Variants in SIPA1L1 observed in about 807,000 individuals in gnomAD.
SIPA1L1 encodes the protein signal-induced proliferation-associated 1-like protein 1.
SIPA1L1 carries 26 observed loss-of-function variants against 162.7 expected under a neutral mutation model. The ratio of observed to expected loss-of-function variants is 0.16; its 90% CI spans 0.12 to 0.22. The LOEUF is 0.22. Among genes scored for constraint, SIPA1L1 ranks in the 10% least tolerant of loss-of-function variants. The pLI is 1.00. For synonymous variants in SIPA1L1, 829 were observed against 837.4 expected, an observed-to-expected ratio of 0.99 and a Z score of 0.17; for missense variants, 1,874 against 2,241.0, an observed-to-expected ratio of 0.84 and a Z score of 3.31.
intron 17 of SIPA1L1, among the ~76,000 whole-genome samples, chr14:71,719,126 A>G (rs1178857054): frequency 6.6e-6 from 1 of 151,680 alleles, no homozygotes; most frequent in Admixed American, 6.6e-5. Context: ...TTTTTATGGA[A>G]ACAGGGTTCG....
intron 10 of SIPA1L1, among the ~76,000 whole-genome samples, chr14:71,663,071 A>T (rs762025165): frequency 6.6e-6 from 1 of 152,236 alleles, no homozygotes; most frequent in Non-Finnish European, 1.5e-5. Context: ...GTACCGTCCA[A>T]TGGGACTATA....
chr14:71,684,589 G>A (rs1197888866), intron 12 of SIPA1L1, among the ~76,000 whole-genome samples: 10 of 152,054 alleles, frequency 6.6e-5, no homozygotes, highest in Non-Finnish European at 5.9e-5. Flanking sequence ...GTGCGGTGGC[G>A]GGAATGTGAA....
intron 13 of SIPA1L1, among the ~76,000 whole-genome samples, chr14:71,693,002 C>T (rs1479720449): frequency 2.0e-5 from 3 of 152,150 alleles, no homozygotes; most frequent in Non-Finnish European, 4.4e-5. Flanking sequence ...AGGTCACAGC[C>T]CCACCTCTTA....
Position 71,456,922 on chromosome 14 carries a change from C to T in SIPA1L1, c.-464-55821C>T, listed in dbSNP as rs117774218. 7.8e-3 allele frequency among the ~76,000 whole-genome samples: 1,186 copies of T among 152,198 alleles called. 9 individuals are homozygous for T. The highest frequency in any genetic ancestry group is 0.012 in the Non-Finnish European group (826 of 68,008). On this transcript the variant is annotated intron_variant, in intron 2 of 23. Coordinates refer to ENST00000381232, the MANE Select transcript of SIPA1L1 (RefSeq NM_001386936.1). The stretch of plus-strand genomic sequence containing the variant: ...CAACTTAATAGGACATCAGTATTGC[C>T]ATCTGAAATCCAAATTTCTCTTATT...
chr14:71,675,021 T>G (rs2044987484), intron 12 of SIPA1L1, among the ~76,000 whole-genome samples: 2 of 152,244 alleles, frequency 1.3e-5, no homozygotes, highest in Admixed American at 1.3e-4. Flanking sequence ...AGCAGTGATG[T>G]GCTGGTGAGT....
intron 5 of SIPA1L1, among the ~76,000 whole-genome samples, chr14:71,611,312 T>A (rs1231158319): frequency 3.9e-5 from 6 of 152,316 alleles, no homozygotes; most frequent in South Asian, 2.1e-4. Context: ...ATTAGTCAGA[T>A]TAAGATGTAA....
intron 13 of SIPA1L1, among the ~76,000 whole-genome samples, chr14:71,690,603 C>A (rs761549846): frequency 6.6e-6 from 1 of 152,096 alleles, no homozygotes; most frequent in African/African-American, 2.4e-5. Flanking sequence ...TTATTTGATA[C>A]CATTCACTAC....
At chr14:71,408,408 C>T (rs922828501) in intron 2 of SIPA1L1, among the ~76,000 whole-genome samples, 6 of 152,078 alleles carry the variant, frequency 3.9e-5, no homozygotes, top group African/African-American at 1.4e-4. Context: ...TAGAATTTTA[C>T]GAATGGTTTG....
At chr14:71,676,715 A>T (rs2045236884) in intron 12 of SIPA1L1, among the ~76,000 whole-genome samples, 1 of 145,954 alleles carries the variant, frequency 6.9e-6, no homozygotes. Context: ...TATGAGTAAG[A>T]ACATGTGGTG....
At chr14:71,600,525 A>G (rs1418781434) in intron 5 of SIPA1L1, among the ~76,000 whole-genome samples, 1 of 152,138 alleles carries the variant, frequency 6.6e-6, no homozygotes, top group East Asian at 1.9e-4. Flanking sequence ...AAGTCAGGTA[A>G]TATAATGTTT....
At chr14:71,626,389 T>C (rs2039987634) in intron 7 of SIPA1L1, among the ~76,000 whole-genome samples, 1 of 151,992 alleles carries the variant, frequency 6.6e-6, no homozygotes, top group Non-Finnish European at 1.5e-5. Flanking sequence ...AGCCTCTGTC[T>C]TTTTTTTATC....
intron 2 of SIPA1L1, among the ~76,000 whole-genome samples, chr14:71,444,476 A>G (rs1025251910): frequency 6.6e-6 from 1 of 152,196 alleles, no homozygotes; most frequent in Non-Finnish European, 1.5e-5. Context: ...CTCCTAATTC[A>G]TGGTTCTCAG....
At chr14:71,682,331 A>T (rs1243234903) in intron 12 of SIPA1L1, among the ~76,000 whole-genome samples, 1 of 152,250 alleles carries the variant, frequency 6.6e-6, no homozygotes, top group Admixed American at 6.5e-5. Flanking sequence ...GTTTATGCAT[A>T]GCATTAAAAG....
chr14:71,623,297 T>C (rs1308967886), intron 6 of SIPA1L1, among the ~76,000 whole-genome samples: 1 of 152,234 alleles, frequency 6.6e-6, no homozygotes, highest in Non-Finnish European at 1.5e-5. Context: ...TCTTTCCCCA[T>C]GCAGCAGTTA....
Position 71,325,286 on chromosome 14 carries a change from T to C in SIPA1L1, c.-465+4105T>C, listed in dbSNP as rs74060347. On this transcript the variant is annotated intron_variant, in intron 2 of 23. Coordinates refer to ENST00000381232, the MANE Select transcript of SIPA1L1 (RefSeq NM_001386936.1). ...ATCAAAAACAAAAACAAAACCCACA[T>C]GCTTTGATGACACCTTGCTTTCAAA... is the stretch of plus-strand genomic sequence containing the variant. 9.9e-3 allele frequency among the ~76,000 whole-genome samples: 1,509 copies of C among 152,328 alleles called. 30 individuals carry two copies. Among genetic ancestry groups the C allele is most frequent in the African/African-American group, 0.035 (1,449 of 41,574 alleles).
At chr14:71,420,969 G>A (rs1478925742) in intron 2 of SIPA1L1, among the ~76,000 whole-genome samples, 2 of 152,084 alleles carry the variant, frequency 1.3e-5, no homozygotes, top group African/African-American at 2.4e-5. Flanking sequence ...TTCACACATC[G>A]CACGTGTCTC....
At chr14:71,446,418 G>T (rs2045346350) in intron 2 of SIPA1L1, among the ~76,000 whole-genome samples, 1 of 151,590 alleles carries the variant, frequency 6.6e-6, no homozygotes, top group African/African-American at 2.4e-5. Context: ...ATAATTTTTA[G>T]AGGCTGGATA....
intron 4 of SIPA1L1, among the ~76,000 whole-genome samples, chr14:71,559,787 A>G (rs900874781): frequency 2.6e-5 from 4 of 151,930 alleles, no homozygotes; most frequent in Non-Finnish European, 5.9e-5. Context: ...TTTTCTAACT[A>G]TTGAAAAAAT....
At position 71,709,601 on chromosome 14, in the gene SIPA1L1, G is replaced by A. The variant is rs866905521; in HGVS notation, c.4145G>A (p.Gly1382Asp). 1 of 1,614,182 alleles carries A rather than the reference G, an allele frequency of 6.2e-7. No homozygotes were observed. The highest frequency in any genetic ancestry group is 1.6e-4 in the Middle Eastern group (1 of 6,062). Reference sequence around the variant, plus strand: ...GACATACACAGCAAGAGCCAAGCCGGCTCGACCCCTCTGACAAGGGAGAAC... The same window carrying A: ...GACATACACAGCAAGAGCCAAGCCGACTCGACCCCTCTGACAAGGGAGAAC... ...SLDIHSKSQA[G>D]STPLTRENST... is the part of the protein sequence containing the mutation. The change falls in exon 17 of 24, where the codon GGC (glycine) becomes GAC (aspartate). Residue 1382 changes from glycine to aspartate, a missense_variant. Gly to Asp is a moderately conservative substitution (Grantham distance 94). This residue lies in a region of SIPA1L1 where 936 missense variants were observed against 1,051.9 expected (regional missense o/e 0.89). Transcript: ENST00000381232.
Sources: gnomAD v4.1 joint callset for allele counts (sites outside exome capture counted in the v4.1 genomes callset) on GRCh38, gnomAD v4.1.1 for gene constraint, gnomAD v4.1.1 regional missense constraint, MANE v1.5 for transcripts, NCBI Gene and HGNC (gene_info 2026-07-23, HGNC 2026-07-21) for gene names.